SLC2A3: variants seen among roughly 807,000 people sequenced by gnomAD.
SLC2A3 encodes the protein solute carrier family 2, facilitated glucose transporter member 3.
In SLC2A3, 21 loss-of-function variants were observed where a neutral mutation model predicts 46.4. The observed-to-expected ratio is 0.45, with a 90% CI of 0.32 to 0.65. The LOEUF (loss-of-function observed/expected upper bound fraction) is 0.65. SLC2A3 is among the 30% of genes least tolerant of loss of function. SLC2A3 has a pLI of 0.04. For synonymous variants in SLC2A3, 213 were observed against 239.4 expected (o/e 0.89, Z 1.02); for missense variants, 499 against 623.3 (o/e 0.80, Z 2.12).
intron 6 of SLC2A3, 46 bp downstream of exon 6, chr12:7,929,638 A>G: frequency 1.9e-6 from 3 of 1,604,348 alleles, no homozygotes; most frequent in Non-Finnish European, 1.7e-6. Context: ...CGGCATTTTA[A>G]GTGAAATACT....
At chr12:7,934,051 A>G in intron 1 of SLC2A3, 149 bp from the exon 2 acceptor site, 1 of 679,974 alleles carries the variant, frequency 1.5e-6, no homozygotes, top group South Asian at 2.1e-5. Flanking sequence ...TTAATGGGGA[A>G]GACAAAGGAA....
chr12:7,927,966 T>G (rs1322031485), intron 6 of SLC2A3, among the ~76,000 whole-genome samples: 2 of 151,808 alleles, frequency 1.3e-5, no homozygotes, highest in Non-Finnish European at 2.9e-5. Flanking sequence ...GGTGGGCACC[T>G]GTAATCTGGG....
At position 7,924,296 on chromosome 12, in the gene SLC2A3, CCT is replaced by C. The variant is rs112948014; in HGVS notation, c.1068+112_1068+113del. ...TAAACTCTGGGCATCCTGCTTCTCT[CCT>C]CTGACTTTATTGACAAACTGCAACC... On this transcript the variant is annotated intron_variant, in intron 8 of 9. Coordinates refer to ENST00000075120, the MANE Select transcript of SLC2A3 (RefSeq NM_006931.3). 0.016 allele frequency: 24,368 copies of C among 1,536,026 alleles called. 1,286 individuals carry two copies. The East Asian group carries it at 0.18, about 11-fold the overall frequency.
Position 7,936,041 on chromosome 12 carries a change from A to G in SLC2A3, c.-7T>C. Reference sequence around the variant, plus strand: ...TTACCTTCTGTGTCCCCATCGCTGTAATCTAATTCAAGTCTTCAAGAAAGA... The same window carrying G: ...TTACCTTCTGTGTCCCCATCGCTGTGATCTAATTCAAGTCTTCAAGAAAGA... On this transcript the variant is annotated 5_prime_UTR_variant, in exon 1 of 10. Transcript: ENST00000075120. 6.2e-7 allele frequency: 1 copy of G among 1,606,418 alleles called. No homozygotes were observed. The highest frequency in any genetic ancestry group is 1.1e-5 in the South Asian group (1 of 90,956).
chr12:7,930,449 A>G (rs1159747645), intron 5 of SLC2A3, 31 bp downstream of exon 5: 1 of 1,599,002 alleles, frequency 6.3e-7, no homozygotes, highest in South Asian at 1.1e-5. Flanking sequence ...CAACCATATA[A>G]TTCATGTAGT....
At chr12:7,928,491 C>T (rs114131219) in intron 6 of SLC2A3, among the ~76,000 whole-genome samples, 3,661 of 152,156 alleles carry the variant, frequency 0.024, 143 homozygotes, top group African/African-American at 0.082. Flanking sequence ...CACAGGTGAT[C>T]TTTTACTGAT....
chr12:7,931,113 CT>C lies in SLC2A3; in HGVS notation c.510+131del, dbSNP rs143077861. 281 of 1,455,000 alleles carry C rather than the reference CT, an allele frequency of 1.9e-4. 1 individual carries two copies. The African/African-American group carries it at 3.7e-3, about 19-fold the overall frequency. 90.1% of individuals were successfully genotyped at this position (1,455,000 alleles called of 1,614,324 possible). On this transcript the variant is annotated intron_variant, in intron 4 of 9. Coordinates refer to ENST00000075120, the MANE Select transcript of SLC2A3 (RefSeq NM_006931.3). ...GCCCGGCCTCAGCCTGCTTCTTCAGCTACTATCTATTATCTAAAACTTCCAT... is the reference window on the plus strand; with the variant it reads ...GCCCGGCCTCAGCCTGCTTCTTCAGCACTATCTATTATCTAAAACTTCCAT...
intron 9 of SLC2A3, among the ~76,000 whole-genome samples, chr12:7,922,193 C>T: frequency 6.6e-6 from 1 of 151,776 alleles, no homozygotes; most frequent in Non-Finnish European, 1.5e-5. Context: ...TGATCTCGCT[C>T]ACTGGGATTA....
In SLC2A3 at chr12:7,924,467, T is replaced by A. The variant is rs914945273; in HGVS notation, c.1011A>T (p.Ile337=). 22 of 1,609,906 alleles carry A rather than the reference T, an allele frequency of 1.4e-5. No individual in the cohort carries two copies. The highest frequency in any genetic ancestry group is 1.9e-5 in the Non-Finnish European group (22 of 1,179,026). Residue 337 remains isoleucine, a synonymous_variant, in exon 8 of 10, where the codon ATA becomes ATT. Coordinates refer to ENST00000075120, the MANE Select transcript of SLC2A3 (RefSeq NM_006931.3). The part of the protein sequence containing the change: ...ERAGRRTLHM[I]GLGGMAFCST... ...AACAAAAAGCCATCCCTCCAAGGCC[T>A]ATCATATGCAGAGTCCTTCTTCCTG...
At chr12:7,931,578 A>G in intron 3 of SLC2A3, 93 bp from the exon 4 acceptor site, 1 of 1,511,870 alleles carries the variant, frequency 6.6e-7, no homozygotes. Context: ...CTCCAGGCTC[A>G]TATCATCCCT....
chr12:7,934,751 C>G (rs765136078), intron 1 of SLC2A3, among the ~76,000 whole-genome samples: 1 of 151,912 alleles, frequency 6.6e-6, no homozygotes, highest in East Asian at 1.9e-4. Context: ...CCTTTCAGGT[C>G]GGGCAGATTA....
Position 7,921,444 on chromosome 12 carries a change from T to A in SLC2A3, c.1460A>T (p.Glu487Val). Residue 487 changes from glutamate to valine, a missense_variant, in exon 10 of 10, where the codon GAG becomes GTG. This residue lies in a region of SLC2A3 where 179 missense variants were observed against 205.1 expected (regional missense o/e 0.87). Transcript: ENST00000075120. ...KDGVMEMNSI[E>V]PAKETTTNV ...ATTGGTGGTGGTCTCCTTAGCAGGCTCGATGCTGTTCATCTCCATGACGCC... is the reference window on the plus strand; with the variant it reads ...ATTGGTGGTGGTCTCCTTAGCAGGCACGATGCTGTTCATCTCCATGACGCC... 1 of 1,613,974 alleles carries A rather than the reference T, an allele frequency of 6.2e-7. No individual in the cohort carries two copies. The highest frequency in any genetic ancestry group is 8.5e-7 in the Non-Finnish European group (1 of 1,179,906).
intron 3 of SLC2A3, among the ~76,000 whole-genome samples, chr12:7,931,880 A>AT (rs58764879): frequency 1.8e-4 from 19 of 108,072 alleles, no homozygotes; most frequent in African/African-American, 5.3e-4. Flanking sequence ...TCTAATTGGC[A>AT]TTTTTTTTTT....
Position 7,921,182 on chromosome 12 carries a change from A to G in SLC2A3, c.*231T>C. On this transcript the variant is annotated 3_prime_UTR_variant, in exon 10 of 10. Coordinates refer to ENST00000075120, the MANE Select transcript of SLC2A3 (RefSeq NM_006931.3). ...GGCCAATCCCTCCTGAAATGAAGGT[A>G]GGTTCACTCGGTCTCTCCTAAGCAG... is the stretch of plus-strand genomic sequence containing the variant. The G allele has an allele frequency of 3.4e-6, 3 of 875,340 alleles. No homozygotes were observed. The highest frequency in any genetic ancestry group is 1.6e-5 in the South Asian group (1 of 63,080). The allele number at this position is 875,340 out of a possible 1,614,324, so 54.2% of individuals were successfully genotyped here. A position where few individuals can be genotyped will look rare whatever the true frequency, so the allele number is the denominator to read the frequency against.
chr12:7,930,481 C>T lies in SLC2A3; in HGVS notation c.672G>A (p.Gln224=), dbSNP rs764708612. 8 of 1,612,832 alleles carry T rather than the reference C, an allele frequency of 5.0e-6. No individual in the cohort carries two copies. The African/African-American group carries it at 6.7e-5, about 13-fold the overall frequency. Residue 224 remains glutamine (Q), a splice_region_variant and synonymous_variant, in exon 5 of 10, where the codon CAG becomes CAA. Transcript: ENST00000075120. ...TAGTAAGGTGTGAAGGATACTCACTCTGCTTAGCATTCTCCTCTTCTTTTC... is the reference window on the plus strand; with the variant it reads ...TAGTAAGGTGTGAAGGATACTCACTTTGCTTAGCATTCTCCTCTTCTTTTC... The part of the protein sequence containing the change: ...INRKEEENAK[Q]ILQRLWGTQD...
At chr12:7,933,255 A>C in intron 2 of SLC2A3, 108 bp from the exon 3 acceptor site, 1 of 1,212,624 alleles carries the variant, frequency 8.2e-7, no homozygotes, top group Non-Finnish European at 1.2e-6. Context: ...GAATAAATAG[A>C]CAGGAATGGA....
intron 3 of SLC2A3, among the ~76,000 whole-genome samples, chr12:7,932,321 G>C (rs1325216977): frequency 2.6e-5 from 4 of 151,862 alleles, no homozygotes; most frequent in Non-Finnish European, 5.9e-5. Flanking sequence ...GGAATTATAG[G>C]TGCCTGTCAC....
intron 6 of SLC2A3, chr12:7,929,465 T>C (rs754668147): frequency 1.7e-5 from 11 of 642,488 alleles, no homozygotes; most frequent in African/African-American, 1.7e-4. Flanking sequence ...TTTTTTTTTT[T>C]CCTTTTTTTA....
intron 4 of SLC2A3, 114 bp downstream of exon 4, chr12:7,931,131 A>G: frequency 3.3e-6 from 5 of 1,511,004 alleles, no homozygotes; most frequent in Non-Finnish European, 4.5e-6. Flanking sequence ...TATTATCTAA[A>G]ACTTCCATAT....
Sources: gnomAD v4.1 joint callset for allele counts (sites outside exome capture counted in the v4.1 genomes callset) on GRCh38, gnomAD v4.1.1 for gene constraint, gnomAD v4.1.1 regional missense constraint, MANE v1.5 for transcripts, NCBI Gene and HGNC (gene_info 2026-07-23, HGNC 2026-07-21) for gene names.